GRM5: variants seen among roughly 807,000 people sequenced by gnomAD.
GRM5 encodes the protein metabotropic glutamate receptor 5.
In GRM5, 19 loss-of-function variants were observed where a neutral mutation model predicts 83.1. The observed-to-expected ratio is 0.23, with a 90% CI of 0.16 to 0.34. The LOEUF (loss-of-function observed/expected upper bound fraction) is 0.34, where lower values mean the gene tolerates loss of function less well. Among genes scored for constraint, GRM5 ranks in the 10% least tolerant of loss-of-function variants. The pLI, the probability that GRM5 is intolerant of heterozygous loss-of-function variation, is 1.00. For synonymous variants in GRM5, 675 were observed against 633.6 expected (o/e 1.07, Z -0.98); for missense variants, 1,160 against 1,588.3 (o/e 0.73, Z 4.58).
chr11:88,998,783 A>C (rs2135064391), intron 2 of GRM5, among the ~76,000 whole-genome samples: 1 of 152,340 alleles, frequency 6.6e-6, no homozygotes, highest in African/African-American at 2.4e-5. Flanking sequence ...TTTATATACT[A>C]GCAATGAGCA....
At chr11:88,623,807 G>A (rs1426031056) in intron 4 of GRM5, among the ~76,000 whole-genome samples, 2 of 152,152 alleles carry the variant, frequency 1.3e-5, no homozygotes, top group East Asian at 3.8e-4. Flanking sequence ...GGAATCCTTT[G>A]GACCTGGGCC....
intron 3 of GRM5, among the ~76,000 whole-genome samples, chr11:88,720,726 T>C (rs2169662): frequency 0.036 from 5,482 of 151,944 alleles, 257 homozygotes; most frequent in Admixed American, 0.14. Context: ...TCCATTAAAA[T>C]TGTTATGTGC....
chr11:88,981,639 A>G (rs1453364198), intron 2 of GRM5, among the ~76,000 whole-genome samples: 3 of 151,092 alleles, frequency 2.0e-5, no homozygotes, highest in African/African-American at 7.4e-5. Flanking sequence ...CCACCTTGCC[A>G]TAAACAACTG....
chr11:88,915,278 G>A (rs1302666756), intron 2 of GRM5, among the ~76,000 whole-genome samples: 1 of 152,066 alleles, frequency 6.6e-6, no homozygotes, highest in Admixed American at 6.6e-5. Context: ...GCCCGATAGA[G>A]CTTTCCTAAT....
At chr11:88,573,498 C>A (rs1426398999) in intron 7 of GRM5, among the ~76,000 whole-genome samples, 2 of 152,144 alleles carry the variant, frequency 1.3e-5, no homozygotes, top group African/African-American at 4.8e-5. Context: ...CCTTACCAAG[C>A]TCCTACATTC....
chr11:88,605,013 G>C (rs141337103), intron 4 of GRM5, 49 bp from the exon 5 acceptor site: 10 of 1,501,956 alleles, frequency 6.7e-6, no homozygotes, highest in Non-Finnish European at 9.2e-6. Context: ...ATCTACTCTC[G>C]CGACATTCCT....
chr11:88,669,918 G>A (rs1176900298), intron 3 of GRM5, among the ~76,000 whole-genome samples: 1 of 151,932 alleles, frequency 6.6e-6, no homozygotes, highest in Non-Finnish European at 1.5e-5. Flanking sequence ...GGGTTTAGGT[G>A]GAGACGATAT....
chr11:88,875,619 G>C (rs11021644), intron 2 of GRM5, among the ~76,000 whole-genome samples: 32,553 of 151,928 alleles, frequency 0.21, 4,647 homozygotes, highest in Non-Finnish European at 0.32. Flanking sequence ...ATCACAATCT[G>C]TGGCAGCTAT....
chr11:88,985,505 C>T (rs182838294), intron 2 of GRM5, among the ~76,000 whole-genome samples: 17 of 152,214 alleles, frequency 1.1e-4, no homozygotes, highest in Admixed American at 7.8e-4. Flanking sequence ...CATGAAAACT[C>T]ATGTATGCTT....
chr11:89,007,037 TCTG>T (rs1940549977), intron 2 of GRM5, among the ~76,000 whole-genome samples: 1 of 152,198 alleles, frequency 6.6e-6, no homozygotes, highest in African/African-American at 2.4e-5. Flanking sequence ...GACCTCGTGA[TCTG>T]CCCGTCTTGG....
intron 4 of GRM5, among the ~76,000 whole-genome samples, chr11:88,644,174 G>T (rs569400923): frequency 3.3e-5 from 5 of 152,250 alleles, no homozygotes; most frequent in African/African-American, 1.2e-4. Flanking sequence ...GCAACAGTTT[G>T]TACATACACA....
At chr11:88,578,658 TTAAA>T (rs1279617015) in intron 7 of GRM5, among the ~76,000 whole-genome samples, 1 of 152,160 alleles carries the variant, frequency 6.6e-6, no homozygotes, top group Non-Finnish European at 1.5e-5. Flanking sequence ...GTTTACAAGT[TTAAA>T]TATACTGACT....
intron 2 of GRM5, among the ~76,000 whole-genome samples, chr11:89,035,480 TATATAACC>T (rs571257421): frequency 1.1e-3 from 162 of 151,868 alleles, no homozygotes; most frequent in Middle Eastern, 3.5e-3. Context: ...GAAAAGAGGG[TATATAACC>T]AAGCAATATG....
At chr11:89,044,511 G>A (rs1941602191) in intron 2 of GRM5, among the ~76,000 whole-genome samples, 1 of 152,090 alleles carries the variant, frequency 6.6e-6, no homozygotes, top group Non-Finnish European at 1.5e-5. Flanking sequence ...GGAACATCTT[G>A]TGGTACCCGT....
chr11:88,897,493 T>A (rs1311737849), intron 2 of GRM5, among the ~76,000 whole-genome samples: 1 of 151,932 alleles, frequency 6.6e-6, no homozygotes, highest in Non-Finnish European at 1.5e-5. Flanking sequence ...GAAATAAATT[T>A]GCTTGCAATA....
intron 3 of GRM5, among the ~76,000 whole-genome samples, chr11:88,759,356 G>T (rs199620540): frequency 2.6e-5 from 4 of 152,014 alleles, no homozygotes; most frequent in East Asian, 1.9e-4. Flanking sequence ...ACACACAAAG[G>T]TTCAAAATTA....
At chr11:88,725,622 C>G (rs1591469340) in intron 3 of GRM5, among the ~76,000 whole-genome samples, 1 of 152,148 alleles carries the variant, frequency 6.6e-6, no homozygotes, top group Non-Finnish European at 1.5e-5. Flanking sequence ...CGACAGACAC[C>G]TCATACAGGA....
At chr11:89,039,258 C>G (rs1406228344) in intron 2 of GRM5, among the ~76,000 whole-genome samples, 1 of 110,576 alleles carries the variant, frequency 9.0e-6, no homozygotes, top group East Asian at 2.6e-4. Context: ...AACTGAGACT[C>G]CGTTTCAAAA....
chr11:88,803,966 C>A (rs1943450291), intron 3 of GRM5, among the ~76,000 whole-genome samples: 1 of 151,548 alleles, frequency 6.6e-6, no homozygotes, highest in Admixed American at 6.6e-5. Context: ...CAGAGAAATG[C>A]AAATCAAAAC....
Sources: allele counts gnomAD v4.1 joint callset (sites outside exome capture counted in the v4.1 genomes callset), GRCh38; gene constraint gnomAD v4.1.1; transcripts MANE v1.5; gene names NCBI Gene and HGNC (gene_info 2026-07-23, HGNC 2026-07-21).